TOX2: variants seen among roughly 807,000 people sequenced by gnomAD.
The protein encoded by TOX2 is TOX high mobility group box family member 2.
In TOX2, 15 loss-of-function variants were observed where a neutral mutation model predicts 47.4. The ratio of observed to expected loss-of-function variants is 0.32; its 90% CI spans 0.21 to 0.49. The LOEUF is 0.49. TOX2 is among the 20% of genes least tolerant of loss of function. The pLI, the probability that TOX2 is intolerant of heterozygous loss-of-function variation, is 0.99. For synonymous variants in TOX2, 290 were observed against 296.6 expected, an observed-to-expected ratio of 0.98 and a Z score of 0.23; for missense variants, 622 against 673.1, an observed-to-expected ratio of 0.92 and a Z score of 0.84.
chr20:43,927,659 C>CCCTTCCTTCCTT (rs1490715554), intron 1 of TOX2, among the ~76,000 whole-genome samples: 1 of 112,776 alleles, frequency 8.9e-6, no homozygotes, highest in African/African-American at 5.0e-5. Context: ...CCTTCCCTTC[C>CCCTTCCTTCCTT]CCTTCCTTCC....
At chr20:43,942,536 A>G (rs35431504) in intron 1 of TOX2, among the ~76,000 whole-genome samples, 1 of 152,118 alleles carries the variant, frequency 6.6e-6, no homozygotes, top group Non-Finnish European at 1.5e-5. Flanking sequence ...AAACACAAAA[A>G]TTAGCAGGGT....
At chr20:44,047,912 A>G (rs1220805598) in intron 3 of TOX2, among the ~76,000 whole-genome samples, 2 of 152,154 alleles carry the variant, frequency 1.3e-5, no homozygotes, top group Non-Finnish European at 2.9e-5. Context: ...TTCTTTGGCT[A>G]GACAGTTGAA....
chr20:44,008,933 A>C (rs1469677523), intron 3 of TOX2, among the ~76,000 whole-genome samples: 5 of 152,216 alleles, frequency 3.3e-5, no homozygotes, highest in Non-Finnish European at 7.3e-5. Flanking sequence ...CTTCCCTGAC[A>C]TCTCTGGCAG....
At chr20:43,918,716 C>A (rs2069083685) in intron 1 of TOX2, among the ~76,000 whole-genome samples, 4 of 152,096 alleles carry the variant, frequency 2.6e-5, no homozygotes, top group Admixed American at 2.6e-4. Context: ...AAATATAATA[C>A]AATTGGTTTA....
At chr20:44,030,093 G>A (rs1371837477) in intron 3 of TOX2, among the ~76,000 whole-genome samples, 1 of 152,054 alleles carries the variant, frequency 6.6e-6, no homozygotes, top group Non-Finnish European at 1.5e-5. Context: ...CTAAGCACCA[G>A]ACCATGCAAT....
At chr20:43,943,484 G>T (rs567220551) in intron 1 of TOX2, among the ~76,000 whole-genome samples, 38 of 152,230 alleles carry the variant, frequency 2.5e-4, no homozygotes, top group Non-Finnish European at 4.1e-4. Flanking sequence ...CCCTCGCCCA[G>T]GTGACCACCC....
intron 1 of TOX2, among the ~76,000 whole-genome samples, chr20:43,963,360 T>A (rs1465949352): frequency 6.7e-6 from 1 of 148,976 alleles, no homozygotes; most frequent in Non-Finnish European, 1.5e-5. Flanking sequence ...AGCACTGAGC[T>A]TGCTTACAAG....
chr20:43,955,720 A>G (rs984253001), intron 1 of TOX2, among the ~76,000 whole-genome samples: 4 of 152,202 alleles, frequency 2.6e-5, no homozygotes, highest in African/African-American at 9.6e-5. Flanking sequence ...TCTGGCTCCA[A>G]ACCTGCTTCT....
intron 1 of TOX2, among the ~76,000 whole-genome samples, chr20:43,964,303 G>A (rs868383873): frequency 3.3e-5 from 5 of 152,102 alleles, no homozygotes; most frequent in Non-Finnish European, 7.3e-5. Context: ...ATCTGTGCCG[G>A]GCTCTCTGCC....
At chr20:44,041,364 G>T (rs148384451) in intron 3 of TOX2, among the ~76,000 whole-genome samples, 45 of 152,316 alleles carry the variant, frequency 3.0e-4, no homozygotes, top group Admixed American at 1.4e-3. Context: ...GTCCGGCACC[G>T]ACAGTGTCCA....
At chr20:44,030,137 A>G (rs1468207713) in intron 3 of TOX2, among the ~76,000 whole-genome samples, 1 of 152,060 alleles carries the variant, frequency 6.6e-6, no homozygotes, top group Non-Finnish European at 1.5e-5. Flanking sequence ...CTTGGATGTC[A>G]TCCCCAAGTT....
intron 3 of TOX2, among the ~76,000 whole-genome samples, chr20:44,027,506 G>A (rs1413113208): frequency 1.3e-5 from 2 of 152,220 alleles, no homozygotes; most frequent in African/African-American, 4.8e-5. Flanking sequence ...CCTCTGACCT[G>A]GTCTCCCTGC....
intron 1 of TOX2, among the ~76,000 whole-genome samples, chr20:43,955,857 AG>A (rs2145409341): frequency 6.6e-6 from 1 of 152,272 alleles, no homozygotes; most frequent in Non-Finnish European, 1.5e-5. Flanking sequence ...CATCTTAGTT[AG>A]CATCTACAAC....
chr20:43,963,160 G>C (rs1228458927), intron 1 of TOX2, among the ~76,000 whole-genome samples: 1 of 151,892 alleles, frequency 6.6e-6, no homozygotes, highest in Admixed American at 6.6e-5. Context: ...TTAGAGCGAG[G>C]TAGGTGGGAG....
At chr20:43,943,507 C>T (rs181591348) in intron 1 of TOX2, among the ~76,000 whole-genome samples, 2 of 152,312 alleles carry the variant, frequency 1.3e-5, no homozygotes, top group Admixed American at 1.3e-4. Context: ...AGACCCTTAC[C>T]GGTGAGTACT....
At chr20:43,954,376 A>G (rs1045700693) in intron 1 of TOX2, among the ~76,000 whole-genome samples, 1 of 152,206 alleles carries the variant, frequency 6.6e-6, no homozygotes, top group Non-Finnish European at 1.5e-5. Flanking sequence ...CACTTAGCAC[A>G]ATGCAACGTG....
intron 2 of TOX2, among the ~76,000 whole-genome samples, chr20:43,974,591 G>A (rs2145481542): frequency 6.6e-6 from 1 of 152,352 alleles, no homozygotes; most frequent in Non-Finnish European, 1.5e-5. Context: ...CATTGTGGGG[G>A]CTATGGCAGT....
At chr20:44,039,236 C>A in intron 3 of TOX2, 1 of 1,289,310 alleles carries the variant, frequency 7.8e-7, no homozygotes, top group Non-Finnish European at 1.0e-6. Flanking sequence ...TCAGGTAAGC[C>A]ATAAAGGAGG....
intron 2 of TOX2, among the ~76,000 whole-genome samples, chr20:43,990,655 G>A (rs2070353585): frequency 6.6e-6 from 1 of 152,186 alleles, no homozygotes; most frequent in Non-Finnish European, 1.5e-5. Context: ...CAAGGTTGCA[G>A]GACTTGGTCC....
Sources: gnomAD v4.1 joint callset for allele counts (sites outside exome capture counted in the v4.1 genomes callset) on GRCh38, gnomAD v4.1.1 for gene constraint, MANE v1.5 for transcripts, NCBI Gene and HGNC (gene_info 2026-07-23, HGNC 2026-07-21) for gene names.